Variants in NALF1 observed in about 807,000 individuals in gnomAD.
The protein encoded by NALF1 is NALCN channel auxiliary factor 1.
A neutral mutation model predicts 48.4 loss-of-function variants in NALF1; 3 were observed. The observed-to-expected ratio is 0.06, with a 90% CI of 0.03 to 0.16. NALF1 has a LOEUF of 0.16. NALF1 is among the 10% of genes least tolerant of loss of function. NALF1 has a pLI of 1.00. For missense variants in NALF1, 526 were observed against 571.5 expected (o/e 0.92, Z 0.81); for synonymous variants, 262 against 245.7 (o/e 1.07, Z -0.62).
chr13:107,715,526 T>C (rs1473813628), intron 1 of NALF1, among the ~76,000 whole-genome samples: 1 of 152,188 alleles, frequency 6.6e-6, no homozygotes, highest in African/African-American at 2.4e-5. Context: ...AGTAAGGCTA[T>C]GGAGTTCCTG....
chr13:107,418,527 G>T (rs1239482242), intron 1 of NALF1, among the ~76,000 whole-genome samples: 1 of 152,112 alleles, frequency 6.6e-6, no homozygotes, highest in Non-Finnish European at 1.5e-5. Context: ...CACAACTGTA[G>T]ATAATACAAT....
At chr13:107,710,772 C>CAT (rs765405506) in intron 1 of NALF1, among the ~76,000 whole-genome samples, 3 of 53,832 alleles carry the variant, frequency 5.6e-5, no homozygotes, top group Non-Finnish European at 1.3e-4. Flanking sequence ...TGTATACACA[C>CAT]ATATGTGTGT....
chr13:107,477,789 G>T (rs1885195720), intron 1 of NALF1, among the ~76,000 whole-genome samples: 1 of 151,954 alleles, frequency 6.6e-6, no homozygotes, highest in Non-Finnish European at 1.5e-5. Context: ...GCCGCTTAAA[G>T]GTGTATGTCT....
At position 107,170,378 on chromosome 13, in the gene NALF1, C is replaced by T; in HGVS notation, c.*119G>A. On this transcript the variant is annotated 3_prime_UTR_variant, in exon 3 of 3. Transcript: ENST00000375915. ...TCAGGCCCATCTGTTTAAATTTTACCCTAAAGGCCTTGCAATAAGTAATTC... is the reference window on the plus strand; with the variant it reads ...TCAGGCCCATCTGTTTAAATTTTACTCTAAAGGCCTTGCAATAAGTAATTC... The T allele has an allele frequency of 3.1e-6, 3 of 953,000 alleles. No individual in the cohort carries two copies. Among genetic ancestry groups the T allele is most frequent in the Admixed American group, 2.6e-5 (1 of 38,870 alleles). The allele number at this position is 953,000 out of a possible 1,614,324, so 59.0% of individuals were successfully genotyped here.
At chr13:107,262,276 G>T (rs191690851) in intron 1 of NALF1, among the ~76,000 whole-genome samples, 27 of 152,188 alleles carry the variant, frequency 1.8e-4, no homozygotes, top group African/African-American at 5.8e-4. Flanking sequence ...TTAGCCAGGG[G>T]TGGTAGCATG....
At chr13:107,772,921 A>C (rs1594257063) in intron 1 of NALF1, among the ~76,000 whole-genome samples, 1 of 152,310 alleles carries the variant, frequency 6.6e-6, no homozygotes, top group Admixed American at 6.5e-5. Context: ...AATAATGTTT[A>C]AATTGTATGC....
intron 1 of NALF1, among the ~76,000 whole-genome samples, chr13:107,757,879 T>G (rs994946665): frequency 1.3e-5 from 2 of 152,202 alleles, no homozygotes; most frequent in Non-Finnish European, 2.9e-5. Flanking sequence ...AGTTTTGTAA[T>G]TACATCATCC....
chr13:107,685,810 T>A lies in NALF1; in HGVS notation c.915+179872A>T, dbSNP rs559178377. The stretch of plus-strand genomic sequence containing the variant: ...AAGTGCAGAAATGCAAATGATTAAA[T>A]TCCCCTGTGGATTCATGTTTTGAGC... On this transcript the variant is annotated intron_variant, in intron 1 of 2. Coordinates refer to ENST00000375915, the MANE Select transcript of NALF1 (RefSeq NM_001080396.3). 3.3e-5 allele frequency among the ~76,000 whole-genome samples: 5 copies of A among 152,334 alleles called. No individual in the cohort carries two copies. The South Asian group carries it at 1.0e-3, about 32-fold the overall frequency.
chr13:107,390,877 T>TTATAA (rs1883614761), intron 1 of NALF1, among the ~76,000 whole-genome samples: 1 of 147,222 alleles, frequency 6.8e-6, no homozygotes, highest in South Asian at 2.1e-4. Flanking sequence ...AGCCAGAAGG[T>TTATAA]TAATAATAAT....
chr13:107,200,855 G>A (rs1389993104), intron 2 of NALF1, among the ~76,000 whole-genome samples: 1 of 152,134 alleles, frequency 6.6e-6, no homozygotes, highest in Non-Finnish European at 1.5e-5. Context: ...AATATCAACT[G>A]CTGTAGTCCC....
chr13:107,244,150 T>G (rs1303763626), intron 1 of NALF1, among the ~76,000 whole-genome samples: 1 of 152,220 alleles, frequency 6.6e-6, no homozygotes, highest in Non-Finnish European at 1.5e-5. Context: ...TAAATTATTC[T>G]CCTGTTCATA....
intron 1 of NALF1, among the ~76,000 whole-genome samples, chr13:107,481,881 AAGCTTT>A (rs1463333927): frequency 2.6e-5 from 4 of 152,160 alleles, no homozygotes; most frequent in Admixed American, 6.5e-5. Flanking sequence ...GAAATATCAT[AAGCTTT>A]AGTAGAAGTA....
At chr13:107,680,947 C>CTGTGTG (rs199937780) in intron 1 of NALF1, among the ~76,000 whole-genome samples, 3 of 64,808 alleles carry the variant, frequency 4.6e-5, no homozygotes, top group Admixed American at 1.4e-4. Context: ...ATGAGTGTAA[C>CTGTGTG]AGTGTGTGTG....
At chr13:107,178,139 C>G (rs1198579502) in intron 2 of NALF1, among the ~76,000 whole-genome samples, 2 of 152,090 alleles carry the variant, frequency 1.3e-5, no homozygotes, top group Non-Finnish European at 2.9e-5. Context: ...GGATGTTGCT[C>G]TAGGCAAAAA....
At chr13:107,194,052 C>CTATA (rs1212551158) in intron 2 of NALF1, among the ~76,000 whole-genome samples, 11 of 80,484 alleles carry the variant, frequency 1.4e-4, no homozygotes, top group African/African-American at 4.7e-4. Context: ...ATCTATCTAT[C>CTATA]TATCTATATA....
chr13:107,317,374 T>C (rs1172627691), intron 1 of NALF1, among the ~76,000 whole-genome samples: 2 of 152,108 alleles, frequency 1.3e-5, no homozygotes, highest in East Asian at 1.9e-4. Context: ...AAAACCATTC[T>C]ATGATCCCAT....
rs1257505092 is a variant in NALF1 at position 107,316,840 on chromosome 13, C to T, written c.916-106085G>A. Among the ~76,000 whole-genome samples, 3 of 152,152 alleles carry T rather than the reference C, an allele frequency of 2.0e-5. No homozygotes were observed. The East Asian group carries it at 5.8e-4, about 29-fold the overall frequency. On this transcript the variant is annotated intron_variant, in intron 1 of 2. Coordinates refer to ENST00000375915, the MANE Select transcript of NALF1 (RefSeq NM_001080396.3). Reference sequence around the variant, plus strand: ...TCTTTTTAAGAATCCACTTCTTCTGCTTATTGCTGACTTACTTGCAACTGG... The same window carrying T: ...TCTTTTTAAGAATCCACTTCTTCTGTTTATTGCTGACTTACTTGCAACTGG...
intron 1 of NALF1, among the ~76,000 whole-genome samples, chr13:107,600,974 G>T (rs559595116): frequency 6.6e-6 from 1 of 152,084 alleles, no homozygotes; most frequent in East Asian, 1.9e-4. Context: ...GACAGATGGA[G>T]AGCTGATAAA....
chr13:107,199,445 C>G lies in NALF1; in HGVS notation c.1087+11139G>C, dbSNP rs570601063. Among the ~76,000 whole-genome samples, 7 of 152,252 alleles carry G rather than the reference C, an allele frequency of 4.6e-5. No homozygotes were observed. The East Asian group carries it at 1.4e-3, about 29-fold the overall frequency. ...CTAATTACATTGGACTAGGGCTCAT[C>G]CTAATGACCCATTTTAACTTGAAGA... On this transcript the variant is annotated intron_variant, in intron 2 of 2. Coordinates refer to ENST00000375915, the MANE Select transcript of NALF1 (RefSeq NM_001080396.3).
Sources: gnomAD v4.1 joint callset for allele counts (sites outside exome capture counted in the v4.1 genomes callset) on GRCh38, gnomAD v4.1.1 for gene constraint, MANE v1.5 for transcripts, NCBI Gene and HGNC (gene_info 2026-07-23, HGNC 2026-07-21) for gene names.